The following NOL4 variants were observed in gnomAD, a reference collection of about 807,000 sequenced individuals.
The protein encoded by NOL4 is nucleolar protein 4.
In NOL4, 17 loss-of-function variants were observed where a neutral mutation model predicts 75.9. The observed-to-expected ratio is 0.22, with a 90% CI of 0.15 to 0.34. The LOEUF is 0.34. Among genes scored for constraint, NOL4 ranks in the 10% least tolerant of loss-of-function variants. The pLI, the probability that NOL4 is intolerant of heterozygous loss-of-function variation, is 1.00. For synonymous variants in NOL4, 292 were observed against 289.9 expected, an observed-to-expected ratio of 1.01 and a Z score of -0.07; for missense variants, 614 against 793.5, an observed-to-expected ratio of 0.77 and a Z score of 2.72.
chr18:34,144,669 A>G (rs7238806), intron 1 of NOL4, among the ~76,000 whole-genome samples: 2,289 of 152,244 alleles, frequency 0.015, 60 homozygotes, highest in African/African-American at 0.053. Context: ...GTTACCCCTT[A>G]TTTAACTTTA....
intron 9 of NOL4, among the ~76,000 whole-genome samples, chr18:33,892,907 C>A (rs2065182791): frequency 6.6e-6 from 1 of 152,066 alleles, no homozygotes; most frequent in South Asian, 2.1e-4. Flanking sequence ...AAGCTATCTT[C>A]CCACCTCAGC....
intron 6 of NOL4, among the ~76,000 whole-genome samples, chr18:34,016,321 G>A (rs1178430546): frequency 1.3e-5 from 2 of 151,892 alleles, no homozygotes; most frequent in African/African-American, 4.8e-5. Context: ...TTTTTCTAGT[G>A]CCTATCCTAT....
intron 8 of NOL4, among the ~76,000 whole-genome samples, chr18:33,954,896 C>A (rs1289411677): frequency 6.6e-6 from 1 of 151,572 alleles, no homozygotes; most frequent in Non-Finnish European, 1.5e-5. Flanking sequence ...GCTTAGATAT[C>A]AAAATTAATA....
intron 8 of NOL4, among the ~76,000 whole-genome samples, chr18:33,952,673 C>G (rs1382905293): frequency 6.6e-6 from 1 of 152,144 alleles, no homozygotes; most frequent in Admixed American, 6.5e-5. Flanking sequence ...GCCTGTAATC[C>G]CAGCACTTTG....
intron 1 of NOL4, among the ~76,000 whole-genome samples, chr18:34,143,094 G>A (rs1289462440): frequency 6.6e-6 from 1 of 151,818 alleles, no homozygotes; most frequent in South Asian, 2.1e-4. Context: ...GGAAGGGAAG[G>A]GAAGCGAAGG....
At chr18:34,050,551 T>A (rs1305771606) in intron 5 of NOL4, among the ~76,000 whole-genome samples, 1 of 152,134 alleles carries the variant, frequency 6.6e-6, no homozygotes, top group Non-Finnish European at 1.5e-5. Context: ...ATTATTTAAG[T>A]AGTTATGGTG....
At chr18:33,924,717 G>A (rs1256182097) in intron 9 of NOL4, among the ~76,000 whole-genome samples, 3 of 152,132 alleles carry the variant, frequency 2.0e-5, no homozygotes, top group African/African-American at 4.8e-5. Context: ...ACATCTGGAG[G>A]CCATTACAAT....
chr18:34,073,963 G>A (rs949247104), intron 5 of NOL4, among the ~76,000 whole-genome samples: 1 of 151,812 alleles, frequency 6.6e-6, no homozygotes, highest in African/African-American at 2.4e-5. Flanking sequence ...AAGAATGGGT[G>A]AATGCTATAA....
intron 6 of NOL4, among the ~76,000 whole-genome samples, chr18:33,974,516 C>T (rs190930292): frequency 3.3e-5 from 5 of 152,160 alleles, no homozygotes; most frequent in South Asian, 2.1e-4. Flanking sequence ...AGAATACACA[C>T]GACATTTATT....
chr18:34,080,271 T>G (rs1271572760), intron 5 of NOL4, among the ~76,000 whole-genome samples: 1 of 152,184 alleles, frequency 6.6e-6, no homozygotes, highest in African/African-American at 2.4e-5. Flanking sequence ...CAGTTTGTAG[T>G]TATACATATA....
At chr18:34,074,158 T>C (rs1211199747) in intron 5 of NOL4, among the ~76,000 whole-genome samples, 2 of 151,872 alleles carry the variant, frequency 1.3e-5, no homozygotes, top group Admixed American at 6.6e-5. Context: ...ATTTTTGGAA[T>C]ATTTTGGTAA....
intron 5 of NOL4, among the ~76,000 whole-genome samples, chr18:34,021,787 CAAG>C (rs2075055053): frequency 1.3e-5 from 2 of 152,096 alleles, no homozygotes; most frequent in African/African-American, 4.8e-5. Flanking sequence ...ATGGAATAGG[CAAG>C]AGTCTAAGAT....
rs183567796 is a variant in NOL4 at position 33,856,140 on chromosome 18, A to G, written c.1724-3105T>C. The stretch of plus-strand genomic sequence containing the variant: ...GATGTGTTGGTGCCTGGCACAAAGG[A>G]AGCCTCAATAATAATCAGTGACTGA... On this transcript the variant is annotated intron_variant, in intron 10 of 10. Transcript: ENST00000261592. Among the ~76,000 whole-genome samples the G allele has an allele frequency of 1.7e-4, 26 of 152,174 alleles. No homozygotes were observed. In the East Asian group the frequency reaches 4.6e-3, roughly 27 times the overall value.
At chr18:34,056,054 C>A (rs1343161589) in intron 5 of NOL4, among the ~76,000 whole-genome samples, 1 of 151,964 alleles carries the variant, frequency 6.6e-6, no homozygotes, top group Non-Finnish European at 1.5e-5. Context: ...TCTCTATGTT[C>A]TTTTTTGAGC....
chr18:33,986,109 C>T (rs1224161873), intron 6 of NOL4, among the ~76,000 whole-genome samples: 6 of 152,130 alleles, frequency 3.9e-5, no homozygotes, highest in African/African-American at 7.2e-5. Context: ...GTGCCTGATA[C>T]GAACTTTCTA....
intron 5 of NOL4, among the ~76,000 whole-genome samples, chr18:34,025,352 C>T (rs1220426377): frequency 6.6e-5 from 10 of 152,118 alleles, no homozygotes; most frequent in Non-Finnish European, 8.8e-5. Context: ...AAGGCCTTTA[C>T]CTGGGTCAAG....
rs35251455 is a variant in NOL4 at position 33,877,437 on chromosome 18, T to TAA, written c.1723+5805_1723+5806dup. On this transcript the variant is annotated intron_variant, in intron 10 of 10. Coordinates refer to ENST00000261592, the MANE Select transcript of NOL4 (RefSeq NM_003787.5). ...TAGGTAACACAGGGAGACCTTGCCT[T>TAA]AAAAAAAAAAAAAAAAAAAAAAGAG... Among the ~76,000 whole-genome samples, 518 of 106,172 alleles carry TAA rather than the reference T, an allele frequency of 4.9e-3. 1 individual carries two copies. Among genetic ancestry groups the TAA allele is most frequent in the Middle Eastern group, 0.011 (2 of 184 alleles). The allele number at this position is 106,172 out of a possible 152,430, so 69.7% of individuals were successfully genotyped here.
At chr18:33,888,108 C>G (rs558896030) in intron 9 of NOL4, among the ~76,000 whole-genome samples, 2 of 152,134 alleles carry the variant, frequency 1.3e-5, no homozygotes, top group South Asian at 4.1e-4. Flanking sequence ...TAATGATCAC[C>G]ATTCTAACTG....
intron 5 of NOL4, among the ~76,000 whole-genome samples, chr18:34,031,605 A>C (rs1288806702): frequency 6.6e-6 from 1 of 152,222 alleles, no homozygotes; most frequent in Non-Finnish European, 1.5e-5. Flanking sequence ...AAGAAACAAA[A>C]TAGTGAGTAG....
Sources: gnomAD v4.1 joint callset for allele counts (sites outside exome capture counted in the v4.1 genomes callset) on GRCh38, gnomAD v4.1.1 for gene constraint, MANE v1.5 for transcripts, NCBI Gene and HGNC (gene_info 2026-07-23, HGNC 2026-07-21) for gene names.